Variants in WWOX observed in about 807,000 individuals in gnomAD.
The protein encoded by WWOX is WW domain-containing oxidoreductase.
Under a neutral mutation model 46.2 loss-of-function variants are expected in WWOX, and 69 were observed. The observed-to-expected ratio is 1.49, with a 90% CI of 1.23 to 1.82. The LOEUF (loss-of-function observed/expected upper bound fraction) is 1.82. Among genes scored for constraint, WWOX ranks in the 40% most tolerant of loss-of-function variants. The pLI, the probability that WWOX is intolerant of heterozygous loss-of-function variation, is 0.00. For missense variants in WWOX, 919 were observed against 542.6 expected, an observed-to-expected ratio of 1.69 and a Z score of -6.89; for synonymous variants, 359 against 202.6, an observed-to-expected ratio of 1.77 and a Z score of -6.56.
rs1158830686 is a variant in WWOX, at chr16:78,619,143, ATATATATATATATATATATATATATAT to A, written c.1056+186392_1056+186418del. ...AAACCCCATTTCTACTAAAAAAAAA[ATATATATATATATATATATATATATAT>A]ATATATATATATATATATATATATA... On this transcript the variant is annotated intron_variant, in intron 8 of 8. Coordinates refer to ENST00000566780, the MANE Select transcript of WWOX (RefSeq NM_016373.4). 3.7e-3 allele frequency among the ~76,000 whole-genome samples: 13 copies of A among 3,532 alleles called. 3 individuals carry two copies. The highest frequency in any genetic ancestry group is 4.6e-3 in the Non-Finnish European group (9 of 1,964). 2.3% of individuals were successfully genotyped at this position (3,532 alleles called of 152,430 possible).
Position 78,713,273 on chromosome 16 carries a change from CAAAAAAAAAA to C in WWOX, c.1056+280540_1056+280549del, listed in dbSNP as rs5818165. On this transcript the variant is annotated intron_variant, in intron 8 of 8. Coordinates refer to ENST00000566780, the MANE Select transcript of WWOX (RefSeq NM_016373.4). ...TGGGTGACAAAGTGAGACTCTGTCT[CAAAAAAAAAA>C]AAAAAAAAAAAAAAAAAAGCTAGTA... is the stretch of plus-strand genomic sequence containing the variant. Among the ~76,000 whole-genome samples, 32 of 17,052 alleles carry C rather than the reference CAAAAAAAAAA, an allele frequency of 1.9e-3. 1 individual carries two copies. Among genetic ancestry groups the C allele is most frequent in the African/African-American group, 3.8e-3 (27 of 7,046 alleles). 11.2% of individuals were successfully genotyped at this position (17,052 alleles called of 152,430 possible). A position where few individuals can be genotyped will look rare whatever the true frequency, so the allele number is the denominator to read the frequency against.
chr16:78,479,479 T>C (rs2084435822), intron 8 of WWOX, among the ~76,000 whole-genome samples: 1 of 152,210 alleles, frequency 6.6e-6, no homozygotes, highest in African/African-American at 2.4e-5. Context: ...TAACTTTAGA[T>C]GCAAATATGG....
chr16:79,103,955 T>G (rs2049254126), intron 8 of WWOX, among the ~76,000 whole-genome samples: 1 of 146,622 alleles, frequency 6.8e-6, no homozygotes, highest in South Asian at 2.1e-4. Flanking sequence ...GAGAGAAGTC[T>G]AGGAATGGGG....
chr16:78,170,176 A>G (rs993618070), intron 5 of WWOX, among the ~76,000 whole-genome samples: 2 of 152,182 alleles, frequency 1.3e-5, no homozygotes, highest in South Asian at 2.1e-4. Flanking sequence ...TGGGGGTGCA[A>G]ATCGTCCCCA....
At chr16:78,161,903 A>G (rs1198443098) in intron 4 of WWOX, among the ~76,000 whole-genome samples, 1 of 151,994 alleles carries the variant, frequency 6.6e-6, no homozygotes, top group Non-Finnish European at 1.5e-5. Flanking sequence ...TGCTTCCATT[A>G]CTCACCTCCT....
intron 8 of WWOX, among the ~76,000 whole-genome samples, chr16:79,000,899 T>G (rs890491894): frequency 6.6e-6 from 1 of 152,106 alleles, no homozygotes. Context: ...CTTATTTGTG[T>G]GATGATTTAA....
intron 8 of WWOX, among the ~76,000 whole-genome samples, chr16:78,434,845 T>G (rs1170123059): frequency 6.6e-6 from 1 of 152,148 alleles, no homozygotes; most frequent in African/African-American, 2.4e-5. Context: ...TAGTGGAAAC[T>G]GTTATTCTGT....
At chr16:78,778,431 A>T (rs535806900) in intron 8 of WWOX, among the ~76,000 whole-genome samples, 1 of 152,368 alleles carries the variant, frequency 6.6e-6, no homozygotes, top group African/African-American at 2.4e-5. Flanking sequence ...GTCGGACCTC[A>T]GTATGATTGA....
At chr16:78,280,838 C>G (rs971801064) in intron 5 of WWOX, 2 of 152,298 alleles carry the variant, frequency 1.3e-5, no homozygotes, top group African/African-American at 4.8e-5. Flanking sequence ...TATTTCTGAA[C>G]AGAACTAACA....
At position 78,289,015 on chromosome 16, in the gene WWOX, A is replaced by G. The variant is rs1005463704; in HGVS notation, c.517-97845A>G. Among the ~76,000 whole-genome samples, 109 of 152,292 alleles carry G rather than the reference A, an allele frequency of 7.2e-4. 1 individual carries two copies. The highest frequency in any genetic ancestry group is 6.9e-4 in the Non-Finnish European group (47 of 68,006). ...GTGGGAAGGTTCTGCTTTTCTCACA[A>G]ATTCTCGGTTAACACAAGGCGTGCC... is the stretch of plus-strand genomic sequence containing the variant. On this transcript the variant is annotated intron_variant, in intron 5 of 8. Transcript: ENST00000566780.
intron 4 of WWOX, among the ~76,000 whole-genome samples, chr16:78,162,521 T>C (rs895715952): frequency 6.6e-6 from 1 of 152,038 alleles, no homozygotes; most frequent in African/African-American, 2.4e-5. Flanking sequence ...CTTGCACATA[T>C]ATATATACAC....
intron 8 of WWOX, among the ~76,000 whole-genome samples, chr16:78,747,633 C>T (rs2049379657): frequency 6.6e-6 from 1 of 152,128 alleles, no homozygotes; most frequent in Non-Finnish European, 1.5e-5. Context: ...TGCCTCTCCT[C>T]ACCCACTCTG....
At chr16:78,157,284 A>G (rs968672618) in intron 4 of WWOX, among the ~76,000 whole-genome samples, 24 of 152,170 alleles carry the variant, frequency 1.6e-4, no homozygotes, top group Non-Finnish European at 3.4e-4. Flanking sequence ...TTGATGGGGC[A>G]GATCAGTCAG....
At chr16:78,748,086 A>G (rs768437058) in intron 8 of WWOX, among the ~76,000 whole-genome samples, 10 of 150,940 alleles carry the variant, frequency 6.6e-5, no homozygotes, top group Non-Finnish European at 8.9e-5. Context: ...TTTTTCACAG[A>G]CTCTGCTCTT....
chr16:78,592,557 GAGA>G (rs1567666508), intron 8 of WWOX, among the ~76,000 whole-genome samples: 1 of 152,200 alleles, frequency 6.6e-6, no homozygotes, highest in African/African-American at 2.4e-5. Context: ...AGGAGGCAAA[GAGA>G]AGGAGGAAGA....
At chr16:78,526,844 C>A (rs2043482106) in intron 8 of WWOX, among the ~76,000 whole-genome samples, 1 of 152,166 alleles carries the variant, frequency 6.6e-6, no homozygotes, top group African/African-American at 2.4e-5. Flanking sequence ...AGGGAGGAGC[C>A]AGCCTGGCCT....
intron 8 of WWOX, among the ~76,000 whole-genome samples, chr16:78,940,172 C>G (rs754784598): frequency 1.3e-5 from 2 of 152,074 alleles, no homozygotes; most frequent in Non-Finnish European, 1.5e-5. Flanking sequence ...TATGCAGATT[C>G]TTAAAGCATG....
intron 8 of WWOX, among the ~76,000 whole-genome samples, chr16:78,441,582 G>A (rs1391643731): frequency 1.3e-5 from 2 of 152,128 alleles, no homozygotes; most frequent in African/African-American, 4.8e-5. Flanking sequence ...AGGAGAGAGA[G>A]GTGAGGCACA....
At chr16:78,487,880 C>G (rs1297207813) in intron 8 of WWOX, among the ~76,000 whole-genome samples, 1 of 152,130 alleles carries the variant, frequency 6.6e-6, no homozygotes, top group Non-Finnish European at 1.5e-5. Context: ...ATAAGGCAAC[C>G]TTATGTCACC....
Sources: gnomAD v4.1 joint callset for allele counts (sites outside exome capture counted in the v4.1 genomes callset) on GRCh38, gnomAD v4.1.1 for gene constraint, MANE v1.5 for transcripts, NCBI Gene and HGNC (gene_info 2026-07-23, HGNC 2026-07-21) for gene names.